Variants in KIAA0825 observed in about 807,000 individuals in gnomAD.
KIAA0825 encodes KIAA0825, also known as uncharacterized protein KIAA0825.
A neutral mutation model predicts 147.6 loss-of-function variants in KIAA0825; 119 were observed. The observed-to-expected ratio is 0.81, with a 90% confidence interval of 0.69 to 0.94. The LOEUF is 0.94. Ranked by LOEUF, KIAA0825 falls within the 40% of genes least tolerant of loss-of-function variation. The probability of loss-of-function intolerance (pLI) is 0.00; values close to 1 mark genes in which losing one functional copy is unlikely to be tolerated. For missense variants in KIAA0825, 1,381 were observed against 1,472.7 expected (o/e 0.94, Z 1.02); for synonymous variants, 470 against 518.1 (o/e 0.91, Z 1.26).
Position 94,417,236 on chromosome 5 carries a change from T to C in KIAA0825, c.2627A>G (p.Glu876Gly). The C allele has an allele frequency of 6.4e-7, 1 of 1,551,028 alleles. No individual in the cohort carries two copies. Among genetic ancestry groups the C allele is most frequent in the South Asian group, 1.2e-5 (1 of 84,050 alleles). ...ATATAAAAAGTCCCATAATTGCTCT[T>C]CTTCCATGTAGCTCACAAAAACGTT... Reference protein sequence around the residue: ...FANVFVSYMEEEQLWDFLYNI... With the variant: ...FANVFVSYMEGEQLWDFLYNI... Residue 876 changes from glutamate (E) to glycine (G), a missense_variant, in exon 15 of 21, where the codon GAA (glutamate) becomes GGA (glycine). Glu to Gly is a moderately conservative substitution (Grantham distance 98). Coordinates refer to ENST00000682413, the MANE Select transcript of KIAA0825 (RefSeq NM_001145678.3).
intron 5 of KIAA0825, among the ~76,000 whole-genome samples, chr5:94,505,608 A>G (rs932664095): frequency 2.6e-5 from 4 of 152,214 alleles, no homozygotes; most frequent in African/African-American, 9.7e-5. Context: ...AGATTCTTTT[A>G]CAATTTGTAT....
intron 20 of KIAA0825, among the ~76,000 whole-genome samples, chr5:94,253,530 A>G (rs1053519548): frequency 1.3e-5 from 2 of 152,094 alleles, no homozygotes; most frequent in Admixed American, 1.3e-4. Context: ...CCAGTATTTT[A>G]GCTTTGCAGA....
At chr5:94,247,185 T>G (rs1442382824) in intron 20 of KIAA0825, among the ~76,000 whole-genome samples, 1 of 152,136 alleles carries the variant, frequency 6.6e-6, no homozygotes, top group Non-Finnish European at 1.5e-5. Flanking sequence ...TTGGGAACTT[T>G]GTGTATTTTG....
chr5:94,205,725 C>T (rs993964592), intron 20 of KIAA0825, among the ~76,000 whole-genome samples: 6 of 152,048 alleles, frequency 3.9e-5, no homozygotes, highest in East Asian at 1.9e-4. Context: ...TATTTTCTTG[C>T]CCTGGAAATG....
At chr5:94,467,415 A>G (rs1484813307) in intron 10 of KIAA0825, among the ~76,000 whole-genome samples, 2 of 152,232 alleles carry the variant, frequency 1.3e-5, no homozygotes, top group Non-Finnish European at 2.9e-5. Context: ...GCTGGGCTTT[A>G]TTATAGAAGC....
intron 2 of KIAA0825, among the ~76,000 whole-genome samples, chr5:94,538,120 G>T (rs953164301): frequency 3.9e-5 from 6 of 152,188 alleles, no homozygotes; most frequent in African/African-American, 1.4e-4. Flanking sequence ...CTGCCCTCAT[G>T]GAGTTTTTAT....
At chr5:94,187,416 T>A (rs1463267350) in intron 20 of KIAA0825, among the ~76,000 whole-genome samples, 2 of 148,858 alleles carry the variant, frequency 1.3e-5, no homozygotes, top group African/African-American at 4.9e-5. Flanking sequence ...TTTTTTTTTT[T>A]TTTTTTTAAT....
chr5:94,613,727 C>G (rs1479325595), intron 1 of KIAA0825, among the ~76,000 whole-genome samples: 1 of 152,204 alleles, frequency 6.6e-6, no homozygotes, highest in Non-Finnish European at 1.5e-5. Context: ...AAAGTAGCAT[C>G]AGTTACACAG....
rs61572627 is a variant in KIAA0825, at chr5:94,428,143, T to TTGTGTGTG, written c.2498-10786_2498-10779dup. ...GGAGACAGCAGAGGATAAGGTCTTGTTGTGTGTGTGTGTGTGTGTGTGTGT... is the reference window on the plus strand; with the variant it reads ...GGAGACAGCAGAGGATAAGGTCTTGTTGTGTGTGTGTGTGTGTGTGTGTGTGTGTGTGT... On this transcript the variant is annotated intron_variant, in intron 14 of 20. Coordinates refer to ENST00000682413, the MANE Select transcript of KIAA0825 (RefSeq NM_001145678.3). 7.0e-3 allele frequency among the ~76,000 whole-genome samples: 937 copies of TTGTGTGTG among 134,568 alleles called. 5 individuals are homozygous for TTGTGTGTG. The highest frequency in any genetic ancestry group is 0.023 in the South Asian group (91 of 3,926). The allele number at this position is 134,568 out of a possible 152,430, so 88.3% of individuals were successfully genotyped here.
chr5:94,559,587 A>G (rs919254824), intron 2 of KIAA0825, among the ~76,000 whole-genome samples: 2 of 152,140 alleles, frequency 1.3e-5, no homozygotes, highest in Admixed American at 6.5e-5. Context: ...AACTGATCCC[A>G]TTTCCCTGGA....
At chr5:94,316,610 G>C (rs2150227180) in intron 20 of KIAA0825, among the ~76,000 whole-genome samples, 1 of 151,770 alleles carries the variant, frequency 6.6e-6, no homozygotes, top group Non-Finnish European at 1.5e-5. Flanking sequence ...GTCCAGGCAG[G>C]AACCTCACCC....
intron 1 of KIAA0825, among the ~76,000 whole-genome samples, chr5:94,587,671 T>G (rs1204658077): frequency 6.6e-6 from 1 of 152,212 alleles, no homozygotes; most frequent in African/African-American, 2.4e-5. Flanking sequence ...CCAATGACTT[T>G]CTTCACAGAA....
intron 2 of KIAA0825, among the ~76,000 whole-genome samples, chr5:94,546,818 C>T (rs1448455472): frequency 2.4e-4 from 31 of 127,234 alleles, no homozygotes; most frequent in African/African-American, 7.6e-4. Context: ...AAAAAAAAAT[C>T]CGCAAGCATC....
chr5:94,618,604 T>C lies in KIAA0825; in HGVS notation c.-257A>G, dbSNP rs1293464995. 6.5e-6 allele frequency: 1 copy of C among 154,668 alleles called. No individual in the cohort carries two copies. Among genetic ancestry groups the C allele is most frequent in the Non-Finnish European group, 1.5e-5 (1 of 68,224 alleles). 9.6% of individuals were successfully genotyped at this position (154,668 alleles called of 1,614,324 possible). ...CCTGGCGACGGCTCCGGAGCGTCACTGACAACCACCCGGAAATGGTACTAT... is the reference window on the plus strand; with the variant it reads ...CCTGGCGACGGCTCCGGAGCGTCACCGACAACCACCCGGAAATGGTACTAT... On this transcript the variant is annotated 5_prime_UTR_variant, in exon 1 of 21. Transcript: ENST00000682413.
At chr5:94,578,095 T>G (rs1269656510) in intron 2 of KIAA0825, among the ~76,000 whole-genome samples, 3 of 152,198 alleles carry the variant, frequency 2.0e-5, no homozygotes, top group Admixed American at 1.3e-4. Flanking sequence ...AAGATATCCC[T>G]TTATGTGGTG....
At chr5:94,376,742 G>A (rs181347643) in intron 20 of KIAA0825, among the ~76,000 whole-genome samples, 2 of 152,258 alleles carry the variant, frequency 1.3e-5, no homozygotes, top group African/African-American at 2.4e-5. Flanking sequence ...TTTTGGTGGA[G>A]GAAGGAAGAA....
At position 94,384,418 on chromosome 5, in the gene KIAA0825, TG is replaced by T; in HGVS notation, c.3659del (p.Pro1220GlnfsTer4). 1 of 1,551,986 alleles carries T rather than the reference TG, an allele frequency of 6.4e-7. No individual in the cohort carries two copies. Among genetic ancestry groups the T allele is most frequent in the Non-Finnish European group, 8.7e-7 (1 of 1,146,964 alleles). On this transcript the variant is annotated frameshift_variant, in exon 20 of 21. Transcript: ENST00000682413. LOFTEE classifies it high-confidence loss of function. ...KWNWNWAKLL[P>X]NYLRLDKMTF... ...TCATCTTATCCAGTCTCAGATAATT[TG>T]GCAGCAACTTTGCCCAATTCCAGTT...
At chr5:94,171,962 C>T (rs576728766) in intron 20 of KIAA0825, among the ~76,000 whole-genome samples, 45 of 152,186 alleles carry the variant, frequency 3.0e-4, no homozygotes, top group Non-Finnish European at 5.0e-4. Context: ...CATGATAATG[C>T]GCCTCAATGT....
At chr5:94,530,990 C>A (rs1403495388) in intron 3 of KIAA0825, among the ~76,000 whole-genome samples, 3 of 152,182 alleles carry the variant, frequency 2.0e-5, no homozygotes, top group East Asian at 3.9e-4. Context: ...ACGTGCTTCC[C>A]TTTCCTTATT....
Sources: gnomAD v4.1 joint callset for allele counts (sites outside exome capture counted in the v4.1 genomes callset) on GRCh38, gnomAD v4.1.1 for gene constraint, MANE v1.5 for transcripts, NCBI Gene and HGNC (gene_info 2026-07-23, HGNC 2026-07-21) for gene names.